Variants in IRAG2 observed in about 807,000 individuals in gnomAD.
The protein encoded by IRAG2 is inositol 1,4,5-triphosphate receptor associated 2, also known as lymphoid restricted membrane protein.
A neutral mutation model predicts 69.9 loss-of-function variants in IRAG2; 45 were observed. That is an observed-to-expected ratio of 0.64 (90% confidence interval 0.51 to 0.83). The LOEUF (loss-of-function observed/expected upper bound fraction) is 0.83, where lower values mean the gene tolerates loss of function less well. Ranked by LOEUF, IRAG2 falls within the 40% of genes least tolerant of loss-of-function variation. IRAG2 has a pLI of 0.00. For missense variants in IRAG2, 520 were observed against 587.0 expected, an observed-to-expected ratio of 0.89 and a Z score of 1.18; for synonymous variants, 193 against 202.4, an observed-to-expected ratio of 0.95 and a Z score of 0.40.
intron 14 of IRAG2, chr12:25,090,992 C>G (rs375907284): frequency 9.8e-6 from 3 of 305,538 alleles, no homozygotes; most frequent in Non-Finnish European, 2.0e-5. Context: ...AATGGGGGTG[C>G]AGAGGAGTGT....
intron 6 of IRAG2, among the ~76,000 whole-genome samples, chr12:25,073,263 G>T (rs1946448790): frequency 6.6e-6 from 1 of 152,138 alleles, no homozygotes; most frequent in African/African-American, 2.4e-5. Flanking sequence ...TGTGTATTAG[G>T]TGATAAAATT....
chr12:25,055,505 C>T lies in IRAG2; in HGVS notation c.-447+2549C>T, dbSNP rs570781426. ...TATGTTCTAGGGTACATGTGTACAACGTGCAGGTTTGTTATATATGTATAC... is the reference window on the plus strand; with the variant it reads ...TATGTTCTAGGGTACATGTGTACAATGTGCAGGTTTGTTATATATGTATAC... On this transcript the variant is annotated intron_variant, in intron 1 of 21. Transcript: ENST00000556887. 4.9e-4 allele frequency among the ~76,000 whole-genome samples: 74 copies of T among 152,194 alleles called. 2 individuals carry two copies. The highest frequency in any genetic ancestry group is 1.6e-3 in the African/African-American group (66 of 41,522).
chr12:25,047,089 C>G (rs864160), intron 16 of IRAG2, among the ~76,000 whole-genome samples: 1 of 152,076 alleles, frequency 6.6e-6, no homozygotes, highest in African/African-American at 2.4e-5. Flanking sequence ...AGGATAATCT[C>G]TTCAACAAAT....
intron 11 of IRAG2, among the ~76,000 whole-genome samples, chr12:25,089,058 A>C (rs1419735132): frequency 6.6e-5 from 10 of 152,232 alleles, no homozygotes; most frequent in Non-Finnish European, 2.9e-5. Context: ...TTTGACTTTA[A>C]ATCCAATGCT....
chr12:25,045,403 G>A (rs1591936884), intron 16 of IRAG2, among the ~76,000 whole-genome samples: 1 of 151,912 alleles, frequency 6.6e-6, no homozygotes, highest in Admixed American at 6.6e-5. Flanking sequence ...ATAAAAATTA[G>A]AGCAAAAAGT....
At chr12:25,074,326 G>T (rs1369954539) in intron 6 of IRAG2, among the ~76,000 whole-genome samples, 1 of 152,134 alleles carries the variant, frequency 6.6e-6, no homozygotes, top group South Asian at 2.1e-4. Flanking sequence ...GACTAAGAAG[G>T]CCTTTCCTTT....
At chr12:25,079,324 A>G (rs1947037842) in intron 7 of IRAG2, 34 bp downstream of exon 7, 1 of 1,611,048 alleles carries the variant, frequency 6.2e-7, no homozygotes, top group Non-Finnish European at 8.5e-7. Context: ...GTGAATTTGT[A>G]TGCATATTTA....
chr12:25,108,080 A>G lies in IRAG2; in HGVS notation c.*20A>G. 1 of 1,601,966 alleles carries G rather than the reference A, an allele frequency of 6.2e-7. No homozygotes were observed. The highest frequency in any genetic ancestry group is 8.5e-7 in the Non-Finnish European group (1 of 1,171,738). ...GTGTGACAGCAGGACATCCTAATAT[A>G]TGGATCTTGATTTTTAAGTTTCAGT... On this transcript the variant is annotated 3_prime_UTR_variant, in exon 22 of 22. Coordinates refer to ENST00000556887, the MANE Select transcript of IRAG2 (RefSeq NM_001366544.2).
intron 21 of IRAG2, among the ~76,000 whole-genome samples, chr12:25,107,340 T>C (rs1194236834): frequency 6.6e-6 from 1 of 152,224 alleles, no homozygotes; most frequent in Non-Finnish European, 1.5e-5. Context: ...GTTATAGGCA[T>C]GTATCCATAG....
Position 25,083,375 on chromosome 12 carries a change from C to G in IRAG2, c.245-48C>G, listed in dbSNP as rs149733424. ...ACTCTCACTGTTTCCTCCTCTTTTA[C>G]TTGCTCCTGCCCCCCTAACTGCTTT... On this transcript the variant is annotated intron_variant, in intron 9 of 21. Coordinates refer to ENST00000556887, the MANE Select transcript of IRAG2 (RefSeq NM_001366544.2). 6.1e-3 allele frequency: 7,266 copies of G among 1,195,588 alleles called. 48 individuals carry two copies. The highest frequency in any genetic ancestry group is 8.2e-3 in the Middle Eastern group (43 of 5,240). The allele number at this position is 1,195,588 out of a possible 1,614,324, so 74.1% of individuals were successfully genotyped here. A position where few individuals can be genotyped will look rare whatever the true frequency, so the allele number is the denominator to read the frequency against.
At chr12:25,052,517 G>A (rs1422526486), upstream of IRAG2, 4 of 396,936 alleles carry the variant, frequency 1.0e-5, no homozygotes, top group East Asian at 3.6e-5. Context: ...GAAGTAAAGG[G>A]GGAGTTGTAA....
intron 12 of IRAG2, chr12:25,032,433 A>G (rs986167851): frequency 5.8e-5 from 23 of 398,594 alleles, no homozygotes; most frequent in African/African-American, 3.7e-4. Context: ...TATTGGCCCA[A>G]TTGAGCTTTG....
chr12:25,052,532 GGCGGTATCAACA>G (rs1944908387), upstream of IRAG2: 1 of 397,108 alleles, frequency 2.5e-6, no homozygotes, highest in South Asian at 1.4e-4. Context: ...TTGTAAGAGA[GGCGGTATCAACA>G]GCCTGCTGAT....
intron 16 of IRAG2, among the ~76,000 whole-genome samples, chr12:25,039,014 A>T (rs1944726071): frequency 6.6e-6 from 1 of 152,212 alleles, no homozygotes; most frequent in Admixed American, 6.5e-5. Context: ...AATTCTTATG[A>T]TAATGGGGAA....
intron 3 of IRAG2, among the ~76,000 whole-genome samples, chr12:25,063,206 T>A (rs1429302815): frequency 6.6e-6 from 1 of 152,056 alleles, no homozygotes; most frequent in East Asian, 1.9e-4. Flanking sequence ...GGGATTACAG[T>A]CATACACCAC....
At chr12:25,014,004 A>G (rs935883116) in intron 3 of IRAG2, among the ~76,000 whole-genome samples, 6 of 149,458 alleles carry the variant, frequency 4.0e-5, no homozygotes, top group Non-Finnish European at 8.9e-5. Context: ...CCTCCCGAGT[A>G]GCTGGGACTA....
intron 14 of IRAG2, among the ~76,000 whole-genome samples, chr12:25,092,076 C>A (rs944756546): frequency 1.3e-5 from 2 of 152,016 alleles, no homozygotes; most frequent in Non-Finnish European, 1.5e-5. Context: ...GACCAGCTGG[C>A]CAACATGGCG....
chr12:25,052,628 T>C (rs532611732), upstream of IRAG2: 4 of 397,364 alleles, frequency 1.0e-5, no homozygotes, highest in South Asian at 5.7e-4. Flanking sequence ...AGCTCAGGCA[T>C]ACCAAGCCCA....
intron 16 of IRAG2, among the ~76,000 whole-genome samples, chr12:25,045,613 T>C (rs147503064): frequency 0.014 from 2,140 of 152,014 alleles, 49 homozygotes; most frequent in African/African-American, 0.049. Flanking sequence ...ACAAATTAGA[T>C]AACCTAGAAG....
Sources: allele counts gnomAD v4.1 joint callset (sites outside exome capture counted in the v4.1 genomes callset), GRCh38; gene constraint gnomAD v4.1.1; transcripts MANE v1.5; gene names NCBI Gene and HGNC (gene_info 2026-07-23, HGNC 2026-07-21).